CYP46A1: variants seen among roughly 807,000 people sequenced by gnomAD.
CYP46A1 encodes the protein cytochrome P450 family 46 subfamily A member 1.
CYP46A1 carries 20 observed loss-of-function variants against 63.3 expected under a neutral mutation model. The ratio of observed to expected loss-of-function variants is 0.32; its 90% CI spans 0.22 to 0.46. The LOEUF (loss-of-function observed/expected upper bound fraction) is 0.46. CYP46A1 is among the 20% of genes least tolerant of loss of function. The probability of loss-of-function intolerance (pLI) is 1.00; values close to 1 mark genes in which losing one functional copy is unlikely to be tolerated. For missense variants in CYP46A1, 445 were observed against 670.8 expected (o/e 0.66, Z 3.72); for synonymous variants, 268 against 273.6 (o/e 0.98, Z 0.20).
intron 3 of CYP46A1, among the ~76,000 whole-genome samples, chr14:99,695,766 G>C (rs1281656557): frequency 2.0e-5 from 3 of 151,888 alleles, no homozygotes. Context: ...AAGTAGCTGG[G>C]ACTACAGGTG....
intron 3 of CYP46A1, among the ~76,000 whole-genome samples, chr14:99,697,140 G>A (rs2056593725): frequency 6.6e-6 from 1 of 152,172 alleles, no homozygotes; most frequent in Non-Finnish European, 1.5e-5. Flanking sequence ...AGTTGTTTTG[G>A]CCAGTCTTCT....
At chr14:99,726,154 GGCTGCTGGCCTC>G (rs2056894666) in intron 13 of CYP46A1, 24 bp from the exon 14 acceptor site, 1 of 1,590,484 alleles carries the variant, frequency 6.3e-7, no homozygotes, top group Non-Finnish European at 8.6e-7. Context: ...GGACGCCTGG[GGCTGCTGGCCTC>G]GTGATTCCTC....
In CYP46A1 at chr14:99,715,890, C is replaced by G. The variant is rs754668158; in HGVS notation, c.774C>G (p.Val258=). The G allele has an allele frequency of 6.2e-7, 1 of 1,613,934 alleles. No homozygotes were observed. The highest frequency in any genetic ancestry group is 1.7e-5 in the Admixed American group (1 of 59,998). ...TGCGCCAGGTGGGCAGGGACTGGGT[C>G]CAGCGCCGCCGGGAAGCCCTGAAGA... is the stretch of plus-strand genomic sequence containing the variant. The part of the protein sequence containing the change: ...RFLRQVGRDW[V]QRRREALKRG... Residue 258 remains valine, a synonymous_variant, in exon 8 of 15, where the codon GTC becomes GTG. Transcript: ENST00000261835.
intron 1 of CYP46A1, among the ~76,000 whole-genome samples, chr14:99,685,875 C>A (rs1427568528): frequency 2.0e-5 from 3 of 152,062 alleles, no homozygotes; most frequent in Non-Finnish European, 4.4e-5. Flanking sequence ...GATGCTTCTT[C>A]CCCCAGCCTT....
At position 99,722,037 on chromosome 14, in the gene CYP46A1, G is replaced by T; in HGVS notation, c.1147G>T (p.Val383Phe). 6.2e-7 allele frequency: 1 copy of T among 1,613,214 alleles called. No homozygotes were observed. Among genetic ancestry groups the T allele is most frequent in the Non-Finnish European group, 8.5e-7 (1 of 1,179,836 alleles). The part of the protein sequence containing the change: ...LLEEETLIDG[V>F]RVPGNTPLLF... ...GGAAGAGGAGACCTTGATTGATGGG[G>T]TCAGAGTCCCCGGCAACACCCCGCT... The change falls in exon 12 of 15, where the codon GTC (valine) becomes TTC (phenylalanine). Residue 383 changes from valine (V) to phenylalanine (F), a missense_variant. Val to Phe is a conservative substitution (Grantham distance 50). Transcript: ENST00000261835. The surrounding 1 kb of genome is among the most constrained non-coding windows in gnomAD (Gnocchi z 4.6).
intron 6 of CYP46A1, 22 bp from the exon 7 acceptor site, chr14:99,707,546 C>G: frequency 6.2e-7 from 1 of 1,608,022 alleles, no homozygotes; most frequent in Non-Finnish European, 8.5e-7. Flanking sequence ...CAGGGATGAC[C>G]TTGCCCTTCT....
intron 10 of CYP46A1, among the ~76,000 whole-genome samples, chr14:99,719,342 G>C (rs1281853036): frequency 1.3e-5 from 2 of 151,550 alleles, no homozygotes; most frequent in Non-Finnish European, 2.9e-5. Flanking sequence ...CTCCAGAGTA[G>C]CTGGGATTAC....
intron 7 of CYP46A1, among the ~76,000 whole-genome samples, chr14:99,713,883 A>C (rs1348659871): frequency 6.6e-6 from 1 of 151,356 alleles, no homozygotes; most frequent in African/African-American, 2.4e-5. Context: ...AAAAAAAAAA[A>C]AAAAAAAGAC....
At chr14:99,716,032 C>T (rs943472094) in intron 8 of CYP46A1, 72 bp downstream of exon 8, 8 of 1,607,390 alleles carry the variant, frequency 5.0e-6, no homozygotes, top group African/African-American at 4.0e-5. Context: ...TACATCGCCA[C>T]TGACTCTGTT....
At chr14:99,713,865 C>CAAAAAAAA (rs71113218) in intron 7 of CYP46A1, among the ~76,000 whole-genome samples, 27 of 67,564 alleles carry the variant, frequency 4.0e-4, no homozygotes, top group South Asian at 5.6e-4. Context: ...GACTCCATCT[C>CAAAAAAAA]AAAAAAAAAA....
chr14:99,706,203 G>A, intron 5 of CYP46A1: 1 of 162,388 alleles, frequency 6.2e-6, no homozygotes, highest in African/African-American at 2.4e-5. Context: ...TCAAGGACAG[G>A]CAGTGAAGTG....
At chr14:99,694,371 C>CTTTTTTTT (rs74872295) in intron 3 of CYP46A1, among the ~76,000 whole-genome samples, 16 of 86,312 alleles carry the variant, frequency 1.9e-4, no homozygotes, top group Non-Finnish European at 3.1e-4. Flanking sequence ...TTTGGGTTTT[C>CTTTTTTTT]TTTTTTTTTT....
Position 99,691,778 on chromosome 14 carries a change from A to C in CYP46A1, c.201-2A>C. On this transcript the variant is annotated splice_acceptor_variant, in intron 2 of 14. Transcript: ENST00000261835. LOFTEE classifies it high-confidence loss of function. ...TTTCCTTCGGGTCACTTTGGTTTCC[A>C]GGGCTAAGAAGTATGGACCTGTTGT... 1 of 1,614,170 alleles carries C rather than the reference A, an allele frequency of 6.2e-7. No homozygotes were observed. The highest frequency in any genetic ancestry group is 8.5e-7 in the Non-Finnish European group (1 of 1,180,018).
intron 1 of CYP46A1, chr14:99,684,789 C>T (rs1480219140): frequency 3.4e-6 from 2 of 589,252 alleles, no homozygotes; most frequent in East Asian, 7.4e-5. Flanking sequence ...CAGGTAGGCG[C>T]TATTGTTAAC....
intron 1 of CYP46A1, 72 bp downstream of exon 1, chr14:99,684,608 C>T (rs1028419707): frequency 2.3e-5 from 30 of 1,320,966 alleles, no homozygotes; most frequent in Non-Finnish European, 2.8e-5. Context: ...TCTAAGCCGG[C>T]GTCCAGGCCG....
In CYP46A1 at chr14:99,684,373, C is replaced by T; in HGVS notation, c.-45C>T. 1 of 1,217,000 alleles carries T rather than the reference C, an allele frequency of 8.2e-7. No homozygotes were observed. Among genetic ancestry groups the T allele is most frequent in the Non-Finnish European group, 1.0e-6 (1 of 966,024 alleles). 75.4% of individuals were successfully genotyped at this position (1,217,000 alleles called of 1,614,324 possible). Reference sequence around the variant, plus strand: ...TCGGCTCGCGGCCTCCCGGCCCCCTCGGCGCCCGGCCCGACCCTGGCCTGG... The same window carrying T: ...TCGGCTCGCGGCCTCCCGGCCCCCTTGGCGCCCGGCCCGACCCTGGCCTGG... On this transcript the variant is annotated 5_prime_UTR_variant, in exon 1 of 15. Transcript: ENST00000261835.
rs146393656 is a variant in CYP46A1 at position 99,725,778 on chromosome 14, C to T, written c.1265+299C>T. Reference sequence around the variant, plus strand: ...GAGGTTCCTGTCTGAGAAATGGGACCATCCGTGGCTGCATCTGCAAGTTGC... The same window carrying T: ...GAGGTTCCTGTCTGAGAAATGGGACTATCCGTGGCTGCATCTGCAAGTTGC... On this transcript the variant is annotated intron_variant, in intron 13 of 14. Transcript: ENST00000261835. The surrounding 1 kb of genome is among the most constrained non-coding windows in gnomAD (Gnocchi z 4.2). 5.3e-5 allele frequency among the ~76,000 whole-genome samples: 8 copies of T among 152,186 alleles called. No individual in the cohort carries two copies. The highest frequency in any genetic ancestry group is 1.9e-4 in the African/African-American group (8 of 41,438).
Position 99,726,833 on chromosome 14 carries a change from C to T in CYP46A1, c.*106C>T, listed in dbSNP as rs2056907286. 1 of 964,124 alleles carries T rather than the reference C, an allele frequency of 1.0e-6. No homozygotes were observed. Among genetic ancestry groups the T allele is most frequent in the African/African-American group, 1.7e-5 (1 of 59,114 alleles). The allele number at this position is 964,124 out of a possible 1,614,324, so 59.7% of individuals were successfully genotyped here. ...TCCCCTGCCCCGTCCCCTGGGCCAC[C>T]CTTCACGCTGGCTTCCAGCGGGCCC... is the stretch of plus-strand genomic sequence containing the variant. On this transcript the variant is annotated 3_prime_UTR_variant, in exon 15 of 15. Transcript: ENST00000261835.
intron 1 of CYP46A1, chr14:99,684,898 C>T (rs960680498): frequency 2.7e-6 from 1 of 364,832 alleles, no homozygotes; most frequent in African/African-American, 2.1e-5. Context: ...GTCAGCCTGC[C>T]TCCAAAGTGG....
Sources: allele counts gnomAD v4.1 joint callset (sites outside exome capture counted in the v4.1 genomes callset), GRCh38; gene constraint gnomAD v4.1.1; non-coding constraint Gnocchi (gnomAD v3.1); transcripts MANE v1.5; gene names NCBI Gene and HGNC (gene_info 2026-07-23, HGNC 2026-07-21).